Variants in MACROD2 observed in about 807,000 individuals in gnomAD.
MACROD2 encodes ADP-ribose glycohydrolase MACROD2.
A neutral mutation model predicts 70.4 loss-of-function variants in MACROD2; 36 were observed. The observed-to-expected ratio is 0.51, with a 90% CI of 0.39 to 0.68. The LOEUF is 0.68. Among genes scored for constraint, MACROD2 ranks in the 30% least tolerant of loss-of-function variants. The pLI, the probability that MACROD2 is intolerant of heterozygous loss-of-function variation, is 0.00. For synonymous variants in MACROD2, 172 were observed against 178.8 expected, an observed-to-expected ratio of 0.96 and a Z score of 0.30; for missense variants, 496 against 538.4, an observed-to-expected ratio of 0.92 and a Z score of 0.78.
intron 4 of MACROD2, among the ~76,000 whole-genome samples, chr20:14,540,728 A>AGCT (rs2085421935): frequency 6.6e-6 from 1 of 152,192 alleles, no homozygotes; most frequent in Non-Finnish European, 1.5e-5. Context: ...CTGAGCAAGA[A>AGCT]AATCCTATAT....
intron 10 of MACROD2, among the ~76,000 whole-genome samples, chr20:15,900,503 T>G (rs921497797): frequency 6.6e-6 from 1 of 152,158 alleles, no homozygotes; most frequent in African/African-American, 2.4e-5. Context: ...GTGCTCCCCA[T>G]GCTTACCCAT....
chr20:15,047,253 AG>A (rs1328250158), intron 5 of MACROD2, among the ~76,000 whole-genome samples: 1 of 152,180 alleles, frequency 6.6e-6, no homozygotes. Context: ...TGTACTGTGC[AG>A]TGTGGTGTGC....
At position 15,938,687 on chromosome 20, in the gene MACROD2, A is replaced by G. The variant is rs192197223; in HGVS notation, c.907+1143A>G. ...ACAATGGCCTCTATGTGTTCATGTG[A>G]TAGGAAGAGTTGCATACTAAATCAC... On this transcript the variant is annotated intron_variant, in intron 12 of 17. Coordinates refer to ENST00000684519, the MANE Select transcript of MACROD2 (RefSeq NM_001351661.2). Among the ~76,000 whole-genome samples the G allele has an allele frequency of 2.0e-5, 3 of 152,246 alleles. No homozygotes were observed. In the East Asian group the frequency reaches 5.8e-4, roughly 29 times the overall value.
At chr20:14,841,845 T>C (rs2073090616) in intron 5 of MACROD2, among the ~76,000 whole-genome samples, 1 of 152,186 alleles carries the variant, frequency 6.6e-6, no homozygotes, top group African/African-American at 2.4e-5. Context: ...AAGATTGGTT[T>C]TAAGACTTTT....
chr20:14,240,625 T>A (rs1421890569), intron 3 of MACROD2, among the ~76,000 whole-genome samples: 1 of 152,056 alleles, frequency 6.6e-6, no homozygotes, highest in East Asian at 1.9e-4. Flanking sequence ...CACTTATAAG[T>A]GGGAGCTAAA....
At chr20:14,861,040 T>C (rs2073310494) in intron 5 of MACROD2, among the ~76,000 whole-genome samples, 1 of 152,116 alleles carries the variant, frequency 6.6e-6, no homozygotes, top group Non-Finnish European at 1.5e-5. Context: ...TATTCTGTTA[T>C]ATAACAAAGG....
chr20:14,608,524 G>T (rs1982957550), intron 4 of MACROD2, among the ~76,000 whole-genome samples: 2 of 152,102 alleles, frequency 1.3e-5, no homozygotes, highest in Admixed American at 1.3e-4. Flanking sequence ...GATCTTTCTG[G>T]ATTTTACTTT....
chr20:14,411,636 C>G (rs1218188014), intron 3 of MACROD2, among the ~76,000 whole-genome samples: 12 of 152,054 alleles, frequency 7.9e-5, no homozygotes, highest in African/African-American at 2.9e-4. Context: ...TTTTGGCATC[C>G]ATTTCTGTTG....
chr20:15,603,118 G>A (rs1320666783), intron 8 of MACROD2, among the ~76,000 whole-genome samples: 1 of 151,984 alleles, frequency 6.6e-6, no homozygotes, highest in African/African-American at 2.4e-5. Context: ...TCAAAGAAAT[G>A]TTAATATTAT....
At chr20:14,215,079 CAT>C (rs751373990) in intron 3 of MACROD2, among the ~76,000 whole-genome samples, 77 of 1,670 alleles carry the variant, frequency 0.046, no homozygotes, top group Admixed American at 0.11. Flanking sequence ...TCTATTCCAT[CAT>C]ATATATCTAT....
chr20:14,414,764 CT>C (rs1370516927), intron 3 of MACROD2, among the ~76,000 whole-genome samples: 1 of 152,124 alleles, frequency 6.6e-6, no homozygotes. Context: ...CTTTGCACTG[CT>C]TTTCCCTCTG....
chr20:15,155,557 A>G (rs2076301294), intron 5 of MACROD2, among the ~76,000 whole-genome samples: 1 of 152,086 alleles, frequency 6.6e-6, no homozygotes, highest in Admixed American at 6.6e-5. Flanking sequence ...GACTCTTCCT[A>G]GTGATGTCAG....
intron 3 of MACROD2, among the ~76,000 whole-genome samples, chr20:14,380,242 A>G (rs6079410): frequency 0.3 from 45,972 of 151,944 alleles, 7,108 homozygotes; most frequent in Admixed American, 0.37. Context: ...TGCTATTTGT[A>G]TGTCTTCTTT....
intron 5 of MACROD2, among the ~76,000 whole-genome samples, chr20:15,102,056 CAGAA>C (rs1161493427): frequency 6.6e-6 from 1 of 151,758 alleles, no homozygotes; most frequent in Non-Finnish European, 1.5e-5. Context: ...AGTTAAGCCA[CAGAA>C]AGGCAGAAGA....
chr20:15,065,205 G>C (rs1472417155), intron 5 of MACROD2, among the ~76,000 whole-genome samples: 1 of 151,964 alleles, frequency 6.6e-6, no homozygotes, highest in Non-Finnish European at 1.5e-5. Context: ...ATCTGCATTT[G>C]TTCTTCTGGC....
chr20:14,082,994 CTT>C (rs2054019138), intron 2 of MACROD2, among the ~76,000 whole-genome samples: 1 of 151,592 alleles, frequency 6.6e-6, no homozygotes, highest in Non-Finnish European at 1.5e-5. Context: ...AATATAGTCT[CTT>C]TCACTGATAA....
At chr20:14,805,539 C>T (rs915490285) in intron 5 of MACROD2, among the ~76,000 whole-genome samples, 2 of 151,990 alleles carry the variant, frequency 1.3e-5, no homozygotes, top group African/African-American at 4.8e-5. Flanking sequence ...GCTGTATGTG[C>T]ATTAACCAAA....
intron 8 of MACROD2, among the ~76,000 whole-genome samples, chr20:15,679,685 A>G (rs1761078517): frequency 6.6e-6 from 1 of 152,158 alleles, no homozygotes; most frequent in Non-Finnish European, 1.5e-5. Context: ...ACACAGAGGG[A>G]CCATGCAAAG....
intron 4 of MACROD2, among the ~76,000 whole-genome samples, chr20:14,557,904 A>G (rs1426509828): frequency 6.6e-6 from 1 of 151,856 alleles, no homozygotes; most frequent in African/African-American, 2.4e-5. Flanking sequence ...AAAAATTTAC[A>G]TAAAAACTTG....
Sources: gnomAD v4.1 joint callset for allele counts (sites outside exome capture counted in the v4.1 genomes callset) on GRCh38, gnomAD v4.1.1 for gene constraint, MANE v1.5 for transcripts, NCBI Gene and HGNC (gene_info 2026-07-23, HGNC 2026-07-21) for gene names.